Variants in IFT74 observed in about 807,000 individuals in gnomAD.
The protein encoded by IFT74 is intraflagellar transport protein 74 homolog.
Under a neutral mutation model 96.7 loss-of-function variants are expected in IFT74, and 92 were observed. The observed-to-expected ratio is 0.95, with a 90% CI of 0.80 to 1.13. The LOEUF is 1.13. IFT74 is among the 50% of genes most tolerant of loss of function. The pLI is 0.00. For synonymous variants in IFT74, 223 were observed against 213.2 expected, an observed-to-expected ratio of 1.05 and a Z score of -0.40; for missense variants, 811 against 698.2, an observed-to-expected ratio of 1.16 and a Z score of -1.82.
At chr9:27,057,506 CTAAT>C (rs1456930050) in intron 18 of IFT74, among the ~76,000 whole-genome samples, 6 of 152,268 alleles carry the variant, frequency 3.9e-5, no homozygotes, top group Admixed American at 3.9e-4. Context: ...ATTCTTATAT[CTAAT>C]TAGTCTATAT....
At chr9:26,972,346 C>G (rs1307348871) in intron 2 of IFT74, among the ~76,000 whole-genome samples, 1 of 152,112 alleles carries the variant, frequency 6.6e-6, no homozygotes. Flanking sequence ...TTTCTTCAAC[C>G]AACACTGCTC....
intron 1 of IFT74, among the ~76,000 whole-genome samples, chr9:26,958,144 G>GT (rs1376744542): frequency 1.3e-5 from 2 of 152,204 alleles, no homozygotes; most frequent in East Asian, 3.9e-4. Context: ...AGAGAACAAA[G>GT]TTTTTGCTTA....
intron 14 of IFT74, among the ~76,000 whole-genome samples, chr9:27,045,330 A>T (rs183563147): frequency 6.6e-6 from 1 of 152,188 alleles, no homozygotes; most frequent in Admixed American, 6.5e-5. Flanking sequence ...GCCCTGGTCC[A>T]TAGAAAAATT....
intron 8 of IFT74, among the ~76,000 whole-genome samples, chr9:27,007,481 G>A (rs1351642052): frequency 6.6e-6 from 1 of 152,102 alleles, no homozygotes; most frequent in Non-Finnish European, 1.5e-5. Flanking sequence ...TATACAAATT[G>A]TAGCAGCAGG....
At position 26,961,838 on chromosome 9, in the gene IFT74, C is replaced by T. The variant is rs16910907; in HGVS notation, c.-19-111C>T. ...ATTAGCCTTGTAGTGGTACACAGAA[C>T]GGCAGTTTGCAAGAACAATTGTTGT... On this transcript the variant is annotated intron_variant, in intron 1 of 19. Transcript: ENST00000380062. 45,704 of 1,108,616 alleles carry T rather than the reference C, an allele frequency of 0.041. 1,124 individuals carry two copies. Among genetic ancestry groups the T allele is most frequent in the African/African-American group, 0.071 (4,571 of 64,420 alleles). The allele number at this position is 1,108,616 out of a possible 1,614,324, so 68.7% of individuals were successfully genotyped here. A position where few individuals can be genotyped will look rare whatever the true frequency, so the allele number is the denominator to read the frequency against.
intron 2 of IFT74, among the ~76,000 whole-genome samples, chr9:26,966,590 G>A (rs545957191): frequency 6.6e-6 from 1 of 152,184 alleles, no homozygotes; most frequent in Admixed American, 6.5e-5. Flanking sequence ...CTTGTCAGAT[G>A]AATAGTTTTC....
chr9:27,066,003 TG>T lies in IFT74; in HGVS notation c.*3268del, dbSNP rs1820593175. Among the ~76,000 whole-genome samples, 1 of 152,210 alleles carries T rather than the reference TG, an allele frequency of 6.6e-6. No individual in the cohort carries two copies. The highest frequency in any genetic ancestry group is 2.4e-5 in the African/African-American group (1 of 41,458). On this transcript the variant is annotated 3_prime_UTR_variant, in exon 20 of 20. Coordinates refer to ENST00000380062, the MANE Select transcript of IFT74 (RefSeq NM_025103.4). ...AATTTAGGAAGACAGATAAATAAAA[TG>T]AAGAAAGTAAGTTACTTGTGATCTC...
At chr9:26,999,590 A>G in intron 8 of IFT74, 1 of 1,488,114 alleles carries the variant, frequency 6.7e-7, no homozygotes, top group Non-Finnish European at 9.3e-7. Flanking sequence ...AAATATTTTT[A>G]CTATTTTGAT....
At chr9:27,017,811 C>T (rs1829420301) in intron 11 of IFT74, among the ~76,000 whole-genome samples, 1 of 152,106 alleles carries the variant, frequency 6.6e-6, no homozygotes, top group African/African-American at 2.4e-5. Flanking sequence ...CTTACTACCC[C>T]AGGGGTGGAT....
At chr9:27,003,830 A>G (rs962133817) in intron 8 of IFT74, among the ~76,000 whole-genome samples, 1 of 152,220 alleles carries the variant, frequency 6.6e-6, no homozygotes, top group African/African-American at 2.4e-5. Flanking sequence ...CTTATTCAAG[A>G]TGATTGCCCA....
chr9:26,999,055 C>T (rs1471062927), intron 8 of IFT74, among the ~76,000 whole-genome samples: 1 of 152,128 alleles, frequency 6.6e-6, no homozygotes, highest in African/African-American at 2.4e-5. Flanking sequence ...CTTAAACTCT[C>T]TGGGTTTAAC....
At chr9:27,013,302 A>G (rs1473863790) in intron 10 of IFT74, among the ~76,000 whole-genome samples, 3 of 152,180 alleles carry the variant, frequency 2.0e-5, no homozygotes, top group Admixed American at 2.0e-4. Context: ...AAATTGCTAC[A>G]ATGTATTATG....
chr9:26,980,043 G>C (rs1262334006), intron 3 of IFT74, among the ~76,000 whole-genome samples: 2 of 152,064 alleles, frequency 1.3e-5, no homozygotes, highest in Non-Finnish European at 2.9e-5. Context: ...CTACTGAAAT[G>C]TAAGACCATT....
chr9:27,042,811 CT>C (rs1400944959), intron 13 of IFT74, among the ~76,000 whole-genome samples: 1 of 152,130 alleles, frequency 6.6e-6, no homozygotes, highest in Non-Finnish European at 1.5e-5. Flanking sequence ...GAGATAGTAG[CT>C]TTTCTGCCAC....
chr9:27,007,528 A>G (rs534470851), intron 8 of IFT74, among the ~76,000 whole-genome samples: 25 of 152,356 alleles, frequency 1.6e-4, no homozygotes, highest in African/African-American at 6.0e-4. Context: ...TGAAGCTCCA[A>G]GTGAAGATAC....
intron 10 of IFT74, among the ~76,000 whole-genome samples, chr9:27,014,319 A>C (rs1829245548): frequency 6.6e-6 from 1 of 152,238 alleles, no homozygotes; most frequent in Admixed American, 6.5e-5. Flanking sequence ...ATACGCTTAA[A>C]GAAAGAAGGA....
intron 9 of IFT74, among the ~76,000 whole-genome samples, chr9:27,010,546 G>A (rs1829015095): frequency 1.4e-5 from 2 of 148,002 alleles, no homozygotes; most frequent in Admixed American, 1.4e-4. Context: ...CTGGAGTGCA[G>A]TGGCGCGATC....
chr9:27,017,711 G>A (rs1165131267), intron 11 of IFT74, among the ~76,000 whole-genome samples: 1 of 152,090 alleles, frequency 6.6e-6, no homozygotes, highest in East Asian at 1.9e-4. Flanking sequence ...TATTATCAGT[G>A]CCTCCATGAA....
chr9:27,015,883 C>A (rs1210579533), intron 10 of IFT74, among the ~76,000 whole-genome samples: 1 of 152,136 alleles, frequency 6.6e-6, no homozygotes, highest in African/African-American at 2.4e-5. Flanking sequence ...AGAACAGATG[C>A]TCAGTAAACA....
Sources: allele counts gnomAD v4.1 joint callset (sites outside exome capture counted in the v4.1 genomes callset), GRCh38; gene constraint gnomAD v4.1.1; transcripts MANE v1.5; gene names NCBI Gene and HGNC (gene_info 2026-07-23, HGNC 2026-07-21).